Variants in ZBTB7B observed in about 807,000 individuals in gnomAD.
The protein encoded by ZBTB7B is zinc finger and BTB domain-containing protein 7B.
In ZBTB7B, 8 loss-of-function variants were observed where a neutral mutation model predicts 31.0. That is an observed-to-expected ratio of 0.26 (90% CI 0.15 to 0.47). ZBTB7B has a LOEUF of 0.47. ZBTB7B is among the 20% of genes least tolerant of loss of function. The pLI is 0.99. For missense variants in ZBTB7B, 494 were observed against 742.4 expected (o/e 0.67, Z 3.89); for synonymous variants, 261 against 307.3 (o/e 0.85, Z 1.58).
At chr1:155,002,117 C>T (rs973041177), upstream of ZBTB7B, among the ~76,000 whole-genome samples, 1 of 151,966 alleles carries the variant, frequency 6.6e-6, no homozygotes, top group Non-Finnish European at 1.5e-5. Flanking sequence ...CTGCCCCCTC[C>T]CCCCTCCTCT....
Position 155,016,543 on chromosome 1 carries a change from C to A in ZBTB7B, c.1478C>A (p.Thr493Asn), listed in dbSNP as rs759504977. ...GLDLSNGHLDTFRLSLARFWE... is the reference protein window; with the variant it reads ...GLDLSNGHLDNFRLSLARFWE... ...GACCTCTCCAATGGCCACCTGGACACCTTCCGCCTCTCTCTAGCTCGATTC... is the reference window on the plus strand; with the variant it reads ...GACCTCTCCAATGGCCACCTGGACAACTTCCGCCTCTCTCTAGCTCGATTC... The change falls in exon 3 of 3, where the codon ACC (threonine) becomes AAC (asparagine). Residue 493 changes from threonine to asparagine, a missense_variant. Around this residue, in one of 5 missense-constraint regions of ZBTB7B, gnomAD observed 101 missense variants for 119.5 expected, o/e 0.85. Transcript: ENST00000535420. This position sits in a 1 kb window ranked among gnomAD's most constrained non-coding sequence, Gnocchi z 4.3. 6 of 1,614,132 alleles carry A rather than the reference C, an allele frequency of 3.7e-6. No individual in the cohort carries two copies. Among genetic ancestry groups the A allele is most frequent in the Non-Finnish European group, 4.2e-6 (5 of 1,179,960 alleles).
Position 155,016,565 on chromosome 1 carries a change from A to C in ZBTB7B, c.1500A>C (p.Arg500=). ...ACACCTTCCGCCTCTCTCTAGCTCG[A>C]TTCTGGGAGCAGTCAGCCCCCACTG... The part of the protein sequence containing the change: ...HLDTFRLSLA[R]FWEQSAPTGP... Residue 500 remains arginine (R), a synonymous_variant, in exon 3 of 3, where the codon CGA becomes CGC. Transcript: ENST00000535420. The surrounding 1 kb of genome is among the most constrained non-coding windows in gnomAD (Gnocchi z 4.3). 6.2e-7 allele frequency: 1 copy of C among 1,613,986 alleles called. No homozygotes were observed. Among genetic ancestry groups the C allele is most frequent in the Non-Finnish European group, 8.5e-7 (1 of 1,179,920 alleles).
At position 155,015,502 on chromosome 1, in the gene ZBTB7B, A is replaced by G; in HGVS notation, c.842A>G (p.Glu281Gly). The G allele has an allele frequency of 8.1e-6, 13 of 1,613,600 alleles. No homozygotes were observed. Among genetic ancestry groups the G allele is most frequent in the Non-Finnish European group, 1.1e-5 (13 of 1,179,770 alleles). ...TATGAGGGTGAGGAAGAAGAAGAGG[A>G]GCTGGTATATCCCCCAGCCTATGGG... ...EPYEGEEEEE[E>G]LVYPPAYGLA... The change falls in exon 2 of 3, where the codon GAG becomes GGG. Residue 281 changes from glutamate (E) to glycine (G), a missense_variant. Coordinates refer to ENST00000535420, the MANE Select transcript of ZBTB7B (RefSeq NM_001256455.2).
intron 1 of ZBTB7B, chr1:155,010,974 G>T: frequency 6.5e-7 from 1 of 1,535,792 alleles, no homozygotes; most frequent in Non-Finnish European, 8.7e-7. Context: ...TCCTGGAGAA[G>T]CCTGGCCAGG....
At chr1:155,012,275 G>A (rs1467882063) in intron 1 of ZBTB7B, among the ~76,000 whole-genome samples, 1 of 151,256 alleles carries the variant, frequency 6.6e-6, no homozygotes, top group Non-Finnish European at 1.5e-5. Context: ...GGTGGGCAGG[G>A]AAGGAGGGAG....
At position 155,016,280 on chromosome 1, in the gene ZBTB7B, G is replaced by T. The variant is rs759953588; in HGVS notation, c.1215G>T (p.Pro405=). 1 of 1,613,980 alleles carries T rather than the reference G, an allele frequency of 6.2e-7. No homozygotes were observed. The highest frequency in any genetic ancestry group is 1.7e-5 in the Admixed American group (1 of 60,004). Reference sequence around the variant, plus strand: ...CGGGAGAGCGCCCCTACTCATGCCCGCACTGCCCAGCCCGCTTCCTGCACA... The same window carrying T: ...CGGGAGAGCGCCCCTACTCATGCCCTCACTGCCCAGCCCGCTTCCTGCACA... The part of the protein sequence containing the change: ...KHTGERPYSC[P]HCPARFLHSY... Residue 405 remains proline, a synonymous_variant, in exon 3 of 3, where the codon CCG becomes CCT. Coordinates refer to ENST00000535420, the MANE Select transcript of ZBTB7B (RefSeq NM_001256455.2). The surrounding 1 kb of genome is among the most constrained non-coding windows in gnomAD (Gnocchi z 4.3).
chr1:155,016,099 G>T lies in ZBTB7B; in HGVS notation c.1155-121G>T. 1.8e-6 allele frequency: 2 copies of T among 1,108,802 alleles called. No homozygotes were observed. Among genetic ancestry groups the T allele is most frequent in the East Asian group, 2.5e-5 (1 of 39,256 alleles). The allele number at this position is 1,108,802 out of a possible 1,614,324, so 68.7% of individuals were successfully genotyped here. Reference sequence around the variant, plus strand: ...GTGAGCTAGCAGGGTATCTCCTGGGGCAATAGTGGGGTAACAAATGGTGAG... The same window carrying T: ...GTGAGCTAGCAGGGTATCTCCTGGGTCAATAGTGGGGTAACAAATGGTGAG... On this transcript the variant is annotated intron_variant, in intron 2 of 2. Coordinates refer to ENST00000535420, the MANE Select transcript of ZBTB7B (RefSeq NM_001256455.2). This position sits in a 1 kb window ranked among gnomAD's most constrained non-coding sequence, Gnocchi z 4.3.
In ZBTB7B at chr1:155,003,508, A is replaced by C. The variant is rs1658375016; in HGVS notation, c.-7+565A>C. Among the ~76,000 whole-genome samples, 1 of 152,272 alleles carries C rather than the reference A, an allele frequency of 6.6e-6. No homozygotes were observed. Among genetic ancestry groups the C allele is most frequent in the East Asian group, 1.9e-4 (1 of 5,172 alleles). On this transcript the variant is annotated intron_variant, in intron 1 of 2. Transcript: ENST00000535420. The surrounding 1 kb of genome is among the most constrained non-coding windows in gnomAD (Gnocchi z 5.8). ...GCGCTTCCAGAGCCGCGCTCTCTCCAGCGGTAGTGGGGCTCAGCAACAACC... is the reference window on the plus strand; with the variant it reads ...GCGCTTCCAGAGCCGCGCTCTCTCCCGCGGTAGTGGGGCTCAGCAACAACC...
chr1:155,008,985 A>G (rs1658752114), intron 1 of ZBTB7B, among the ~76,000 whole-genome samples: 1 of 152,244 alleles, frequency 6.6e-6, no homozygotes, highest in African/African-American at 2.4e-5. Flanking sequence ...CTCAGCGTTC[A>G]GGTGAGTAGG....
intron 1 of ZBTB7B, among the ~76,000 whole-genome samples, chr1:155,007,705 C>A (rs994693691): frequency 6.6e-6 from 1 of 152,138 alleles, no homozygotes; most frequent in Admixed American, 6.5e-5. Context: ...ACCTCAGGCC[C>A]ACAGTTGGCA....
chr1:155,006,164 A>G (rs1423277692), intron 1 of ZBTB7B, among the ~76,000 whole-genome samples: 4 of 152,190 alleles, frequency 2.6e-5, no homozygotes, highest in Non-Finnish European at 5.9e-5. Flanking sequence ...CATCTTTAAT[A>G]TTCACTGGCA....
chr1:155,008,604 C>G (rs1658717453), intron 1 of ZBTB7B, among the ~76,000 whole-genome samples: 1 of 152,192 alleles, frequency 6.6e-6, no homozygotes. Context: ...ATTGCTCCTC[C>G]TCATCTCTGT....
chr1:155,001,753 G>A (rs1011199060), upstream of ZBTB7B, among the ~76,000 whole-genome samples: 1 of 151,302 alleles, frequency 6.6e-6, no homozygotes, highest in Non-Finnish European at 1.5e-5. This position sits in a 1 kb window ranked among gnomAD's most constrained non-coding sequence, Gnocchi z 4.8. Context: ...CGACAGCACA[G>A]AGGCTGCTTG....
chr1:155,011,413 A>C (rs1355881341), intron 1 of ZBTB7B, among the ~76,000 whole-genome samples: 1 of 152,098 alleles, frequency 6.6e-6, no homozygotes, highest in African/African-American at 2.4e-5. Flanking sequence ...AGGCACTCCC[A>C]CCTTTACCCC....
At chr1:155,009,189 G>A (rs1658771873) in intron 1 of ZBTB7B, among the ~76,000 whole-genome samples, 1 of 152,102 alleles carries the variant, frequency 6.6e-6, no homozygotes, top group South Asian at 2.1e-4. Flanking sequence ...ATCAGGAGAG[G>A]CAGAAGAGGG....
intron 1 of ZBTB7B, among the ~76,000 whole-genome samples, chr1:155,008,064 G>C (rs1160386320): frequency 1.3e-5 from 2 of 152,086 alleles, no homozygotes; most frequent in African/African-American, 4.8e-5. Flanking sequence ...CACCCAACCG[G>C]CCAGGGTGGC....
rs2102322608 is a variant in ZBTB7B at position 155,017,357 on chromosome 1, AGAGGGGCCCCGC to A, written c.*673_*684del. 1 of 152,450 alleles carries A rather than the reference AGAGGGGCCCCGC, an allele frequency of 6.6e-6. No homozygotes were observed. Among genetic ancestry groups the A allele is most frequent in the South Asian group, 2.1e-4 (1 of 4,844 alleles). 9.4% of individuals were successfully genotyped at this position (152,450 alleles called of 1,614,324 possible). A position where few individuals can be genotyped will look rare whatever the true frequency, so the allele number is the denominator to read the frequency against. On this transcript the variant is annotated 3_prime_UTR_variant, in exon 3 of 3. Transcript: ENST00000535420. ...TGGCTCGCCTGCCCCTGGGGGCAGT[AGAGGGGCCCCGC>A]CCAGCTAGGGGAGCCGCTCCGTTCC...
At chr1:155,014,158 A>G in intron 1 of ZBTB7B, 1 of 907,832 alleles carries the variant, frequency 1.1e-6, no homozygotes. Flanking sequence ...AAAGACTGTT[A>G]CCTCACTTTT....
At chr1:155,006,826 A>G (rs990571270) in intron 1 of ZBTB7B, among the ~76,000 whole-genome samples, 3 of 151,536 alleles carry the variant, frequency 2.0e-5, no homozygotes, top group South Asian at 2.1e-4. Flanking sequence ...GCCTGGGAGC[A>G]GGGGTCCTCT....
Sources: gnomAD v4.1 joint callset for allele counts (sites outside exome capture counted in the v4.1 genomes callset) on GRCh38, gnomAD v4.1.1 for gene constraint, gnomAD v4.1.1 regional missense constraint, Gnocchi (gnomAD v3.1) non-coding constraint, MANE v1.5 for transcripts, NCBI Gene and HGNC (gene_info 2026-07-23, HGNC 2026-07-21) for gene names.